The following NRIP1 variants were observed in gnomAD, a reference collection of about 807,000 sequenced individuals.
NRIP1 encodes the protein nuclear receptor-interacting protein 1.
Under a neutral mutation model 75.0 loss-of-function variants are expected in NRIP1, and 28 were observed. The observed-to-expected ratio is 0.37, with a 90% CI of 0.28 to 0.51. The LOEUF is 0.51. Among genes scored for constraint, NRIP1 ranks in the 20% least tolerant of loss-of-function variants. NRIP1 has a pLI of 0.92. For synonymous variants in NRIP1, 526 were observed against 487.6 expected (o/e 1.08, Z -1.04); for missense variants, 1,435 against 1,343.7 (o/e 1.07, Z -1.06).
chr21:15,012,666 TG>T (rs888622272), intron 3 of NRIP1, among the ~76,000 whole-genome samples: 2 of 152,220 alleles, frequency 1.3e-5, no homozygotes, highest in Middle Eastern at 3.4e-3. Flanking sequence ...CTGGTCAGGC[TG>T]GTCTTGAACT....
At position 14,965,556 on chromosome 21, in the gene NRIP1, A is replaced by G; in HGVS notation, c.2637T>C (p.Asp879=). ...CTGGGGCACTGTGATTGTTTGCAGC[A>G]TCAACAATGTTGTTTTTCATCTTTT... ...PFKKMKNNIV[D]AANNHSAPEV... The change falls in exon 4 of 4, where the codon GAT becomes GAC. Residue 879 remains aspartate (D), a synonymous_variant. Coordinates refer to ENST00000318948, the MANE Select transcript of NRIP1 (RefSeq NM_003489.4). The G allele has an allele frequency of 2.5e-6, 4 of 1,614,072 alleles. No individual in the cohort carries two copies. Among genetic ancestry groups the G allele is most frequent in the Non-Finnish European group, 3.4e-6 (4 of 1,179,938 alleles).
chr21:15,053,228 G>C (rs2089239413), intron 1 of NRIP1, among the ~76,000 whole-genome samples: 1 of 152,170 alleles, frequency 6.6e-6, no homozygotes, highest in African/African-American at 2.4e-5. Context: ...AAGAGAACGA[G>C]AGTTTAAAAT....
At chr21:14,979,769 CT>C (rs2087179051) in intron 3 of NRIP1, among the ~76,000 whole-genome samples, 1 of 152,086 alleles carries the variant, frequency 6.6e-6, no homozygotes, top group Non-Finnish European at 1.5e-5. Flanking sequence ...CTGCCTTGGC[CT>C]CCCAAAGTGC....
At chr21:14,977,065 G>A (rs767942749) in intron 3 of NRIP1, among the ~76,000 whole-genome samples, 9 of 152,230 alleles carry the variant, frequency 5.9e-5, no homozygotes, top group Non-Finnish European at 8.8e-5. Flanking sequence ...CTCAAAATGC[G>A]TAAGTAATCA....
At chr21:14,969,968 G>A (rs1356321669) in intron 3 of NRIP1, among the ~76,000 whole-genome samples, 1 of 152,152 alleles carries the variant, frequency 6.6e-6, no homozygotes, top group Admixed American at 6.5e-5. Flanking sequence ...GATATTTTAA[G>A]AGGTTAATAA....
chr21:14,988,666 A>T (rs1384525674), intron 3 of NRIP1, among the ~76,000 whole-genome samples: 1 of 152,160 alleles, frequency 6.6e-6, no homozygotes, highest in Admixed American at 6.5e-5. Flanking sequence ...CAAAAGATGC[A>T]TATAATTTCT....
intron 2 of NRIP1, among the ~76,000 whole-genome samples, chr21:15,033,560 T>C (rs952644586): frequency 1.3e-5 from 2 of 152,218 alleles, no homozygotes; most frequent in African/African-American, 4.8e-5. Flanking sequence ...TATACTTCTA[T>C]ACTGTAATGG....
intron 3 of NRIP1, among the ~76,000 whole-genome samples, chr21:14,988,434 TAG>T (rs1162544871): frequency 1.4e-5 from 2 of 147,138 alleles, no homozygotes; most frequent in Non-Finnish European, 3.0e-5. Context: ...GATAGATAGA[TAG>T]ATAGATAGAT....
intron 2 of NRIP1, among the ~76,000 whole-genome samples, chr21:15,019,130 T>A (rs931441344): frequency 7.4e-5 from 11 of 148,118 alleles, no homozygotes; most frequent in Non-Finnish European, 1.5e-4. Flanking sequence ...ATTAATAATA[T>A]ATTATTATAT....
intron 2 of NRIP1, among the ~76,000 whole-genome samples, chr21:15,019,955 CA>C (rs1461553854): frequency 6.6e-6 from 1 of 152,028 alleles, no homozygotes; most frequent in Non-Finnish European, 1.5e-5. Flanking sequence ...CATGTGCACT[CA>C]AAACTACAAA....
rs778108175 is a variant in NRIP1 at position 14,965,170 on chromosome 21, G to A, written c.3023C>T (p.Thr1008Ile). The A allele has an allele frequency of 6.2e-7, 1 of 1,613,288 alleles. No individual in the cohort carries two copies. Among genetic ancestry groups the A allele is most frequent in the Admixed American group, 1.7e-5 (1 of 59,940 alleles). The change falls in exon 4 of 4, where the codon ACT (threonine) becomes ATT (isoleucine). Residue 1008 changes from threonine (T) to isoleucine (I), a missense_variant. By Grantham distance (89) the Thr-to-Ile change is moderately conservative (BLOSUM62 -1). Coordinates refer to ENST00000318948, the MANE Select transcript of NRIP1 (RefSeq NM_003489.4). ...RTFSYPGVVK[T>I]PVSPTFPEHL... ...CTCAGGGAAAGTAGGACTCACAGGA[G>A]TTTTTACTACACCTGGGTATGAAAA...
intron 2 of NRIP1, among the ~76,000 whole-genome samples, chr21:15,028,066 T>C (rs1200226473): frequency 6.6e-6 from 1 of 152,218 alleles, no homozygotes; most frequent in South Asian, 2.1e-4. Flanking sequence ...GAAATGTGAA[T>C]GATACTCTAA....
At position 15,028,990 on chromosome 21, in the gene NRIP1, G is replaced by A. The variant is rs147155017; in HGVS notation, c.-458+14505C>T. Among the ~76,000 whole-genome samples the A allele has an allele frequency of 3.5e-3, 531 of 151,662 alleles. 3 individuals are homozygous for A. The highest frequency in any genetic ancestry group is 0.012 in the African/African-American group (494 of 41,318). On this transcript the variant is annotated intron_variant, in intron 2 of 3. Coordinates refer to ENST00000318948, the MANE Select transcript of NRIP1 (RefSeq NM_003489.4). ...CTTCCAATTGTTCAGGCTGCCATCC[G>A]AGATGCCTCTCTTCCTCTCACACCC...
At chr21:14,987,154 C>T (rs2087427000) in intron 3 of NRIP1, among the ~76,000 whole-genome samples, 1 of 152,194 alleles carries the variant, frequency 6.6e-6, no homozygotes, top group Non-Finnish European at 1.5e-5. Context: ...TCCGGCTCTA[C>T]CATTTACCAA....
In NRIP1 at chr21:15,040,377, A is replaced by G. The variant is rs1005531814; in HGVS notation, c.-458+3118T>C. On this transcript the variant is annotated intron_variant, in intron 2 of 3. Coordinates refer to ENST00000318948, the MANE Select transcript of NRIP1 (RefSeq NM_003489.4). ...TTTAAACTTACATAATGTAGCTCAC[A>G]TTATACTTCTAGTGAACAGCACTGC... 4.6e-5 allele frequency among the ~76,000 whole-genome samples: 7 copies of G among 152,138 alleles called. 1 individual carries two copies. Among genetic ancestry groups the G allele is most frequent in the African/African-American group, 1.7e-4 (7 of 41,442 alleles).
At chr21:15,049,747 C>T (rs745572430) in intron 1 of NRIP1, among the ~76,000 whole-genome samples, 1 of 151,958 alleles carries the variant, frequency 6.6e-6, no homozygotes, top group Non-Finnish European at 1.5e-5. Context: ...TCTTTTGCAA[C>T]TTACAAATGA....
intron 3 of NRIP1, among the ~76,000 whole-genome samples, chr21:14,985,528 C>A (rs140609239): frequency 6.6e-6 from 1 of 152,116 alleles, no homozygotes; most frequent in African/African-American, 2.4e-5. Flanking sequence ...GTGATCCACC[C>A]GCCTCGGCCC....
chr21:15,032,040 T>G (rs1000461660), intron 2 of NRIP1, among the ~76,000 whole-genome samples: 1 of 152,252 alleles, frequency 6.6e-6, no homozygotes. Flanking sequence ...TGGAAGGCGC[T>G]TGGAGGACAC....
At chr21:15,055,134 C>T (rs1236506850) in intron 1 of NRIP1, among the ~76,000 whole-genome samples, 1 of 152,130 alleles carries the variant, frequency 6.6e-6, no homozygotes, top group African/African-American at 2.4e-5. Context: ...CACAGTGCCC[C>T]CTCATCTTAT....
Sources: gnomAD v4.1 joint callset for allele counts (sites outside exome capture counted in the v4.1 genomes callset) on GRCh38, gnomAD v4.1.1 for gene constraint, MANE v1.5 for transcripts, NCBI Gene and HGNC (gene_info 2026-07-23, HGNC 2026-07-21) for gene names.